SFXN5: variants seen among roughly 807,000 people sequenced by gnomAD.
SFXN5 encodes the protein sideroflexin-5.
In SFXN5, 43 loss-of-function variants were observed where a neutral mutation model predicts 50.2. The ratio of observed to expected loss-of-function variants is 0.86; its 90% confidence interval spans 0.67 to 1.11. The LOEUF is 1.11. Among genes scored for constraint, SFXN5 ranks in the 50% least tolerant of loss-of-function variants. The pLI, the probability that SFXN5 is intolerant of heterozygous loss-of-function variation, is 0.00. For synonymous variants in SFXN5, 203 were observed against 185.8 expected, an observed-to-expected ratio of 1.09 and a Z score of -0.75; for missense variants, 463 against 454.1, an observed-to-expected ratio of 1.02 and a Z score of -0.18.
At chr2:72,989,588 C>T (rs762201497) in intron 9 of SFXN5, among the ~76,000 whole-genome samples, 4 of 151,958 alleles carry the variant, frequency 2.6e-5, no homozygotes, top group Non-Finnish European at 4.4e-5. Flanking sequence ...ACATAGTACA[C>T]GCTCAATAAA....
At position 73,008,059 on chromosome 2, in the gene SFXN5, G is replaced by A. The variant is rs940607056; in HGVS notation, c.358-6481C>T. Among the ~76,000 whole-genome samples, 4 of 152,180 alleles carry A rather than the reference G, an allele frequency of 2.6e-5. No homozygotes were observed. The East Asian group carries it at 7.7e-4, about 29-fold the overall frequency. ...TGCAAAAAAGCAGAGGAGGGATGAG[G>A]CGGCTTGGGAGATGTCAGGAGGGCC... On this transcript the variant is annotated intron_variant, in intron 6 of 13. Transcript: ENST00000272433.
In SFXN5 at chr2:73,020,241, T is replaced by C. The variant is rs1235167921; in HGVS notation, c.355A>G (p.Ile119Val). ...MSGYIPFGTP[I>V]VVGLLLPNQT... ...AATCCTTTGAAGGTAACACTTACAA[T>C]TGGCGTCCCAAAAGGAATATAACCT... is the stretch of plus-strand genomic sequence containing the variant. Residue 119 changes from isoleucine to valine, a missense_variant and splice_region_variant, in exon 6 of 14, where the codon ATT becomes GTT. Coordinates refer to ENST00000272433, the MANE Select transcript of SFXN5 (RefSeq NM_144579.3). The C allele has an allele frequency of 6.2e-7, 1 of 1,613,998 alleles. No individual in the cohort carries two copies. The highest frequency in any genetic ancestry group is 1.1e-5 in the South Asian group (1 of 91,050).
At chr2:73,026,931 T>C (rs1332693241) in intron 3 of SFXN5, among the ~76,000 whole-genome samples, 3 of 152,124 alleles carry the variant, frequency 2.0e-5, no homozygotes, top group African/African-American at 7.2e-5. Flanking sequence ...GTTCACCATG[T>C]TGGCCAGCTG....
chr2:73,032,799 C>T (rs1362766994), intron 3 of SFXN5, among the ~76,000 whole-genome samples: 1 of 152,184 alleles, frequency 6.6e-6, no homozygotes, highest in Non-Finnish European at 1.5e-5. Context: ...TTCTGTAAGG[C>T]AAAGAATGCC....
intron 2 of SFXN5, among the ~76,000 whole-genome samples, chr2:73,048,110 C>A (rs1244354613): frequency 6.6e-6 from 1 of 152,108 alleles, no homozygotes; most frequent in East Asian, 1.9e-4. Flanking sequence ...GCTATATAAC[C>A]ATGTATGACA....
Position 72,954,688 on chromosome 2 carries a change from C to T in SFXN5, c.945+6443G>A, listed in dbSNP as rs75607989. ...GGAGGACAAAGGAGCCAGTGAGGGT[C>T]TAGGGGCCATAAGACACGTTCCCAG... On this transcript the variant is annotated intron_variant, in intron 13 of 13. Transcript: ENST00000272433. Among the ~76,000 whole-genome samples the T allele has an allele frequency of 4.5e-4, 68 of 152,300 alleles. No individual in the cohort carries two copies. In the East Asian group the frequency reaches 0.011, roughly 26 times the overall value.
At position 72,944,826 on chromosome 2, in the gene SFXN5, T is replaced by C; in HGVS notation, c.*196A>G. 1.9e-6 allele frequency: 1 copy of C among 536,112 alleles called. No homozygotes were observed. The highest frequency in any genetic ancestry group is 3.3e-6 in the Non-Finnish European group (1 of 302,192). The allele number at this position is 536,112 out of a possible 1,614,324, so 33.2% of individuals were successfully genotyped here. A position where few individuals can be genotyped will look rare whatever the true frequency, so the allele number is the denominator to read the frequency against. ...CACTTGATTATTTTTTTGTACGAAA[T>C]GTGTTAGAACTCCTCTTGCCTATGT... On this transcript the variant is annotated 3_prime_UTR_variant, in exon 14 of 14. Transcript: ENST00000272433.
At chr2:72,974,644 G>A (rs1670409570) in intron 10 of SFXN5, among the ~76,000 whole-genome samples, 1 of 152,192 alleles carries the variant, frequency 6.6e-6, no homozygotes. Flanking sequence ...TTGAGCACCT[G>A]CCGTATGCAG....
At chr2:72,971,515 A>G in intron 11 of SFXN5, 55 bp downstream of exon 11, 1 of 1,347,146 alleles carries the variant, frequency 7.4e-7, no homozygotes, top group Non-Finnish European at 1.1e-6. Flanking sequence ...CTAAAGGAAA[A>G]CCACTCCCCT....
chr2:72,961,215 G>A lies in SFXN5; in HGVS notation c.861C>T (p.Leu287=). The A allele has an allele frequency of 6.5e-7, 1 of 1,545,622 alleles. No homozygotes were observed. The highest frequency in any genetic ancestry group is 8.7e-7 in the Non-Finnish European group (1 of 1,152,510). Residue 287 remains leucine, a synonymous_variant, in exon 13 of 14, where the codon CTC becomes CTT. Coordinates refer to ENST00000272433, the MANE Select transcript of SFXN5 (RefSeq NM_144579.3). This position sits in a 1 kb window ranked among gnomAD's most constrained non-coding sequence, Gnocchi z 4.4. ...GGCACACGAGGCTTTGCACAGGGAG[G>A]AGCAGCCGGGGGCGTGCCTGCAGGA... is the stretch of plus-strand genomic sequence containing the variant. ...TALLQARPRL[L]LPVQSLVCLA...
chr2:73,069,174 A>G (rs1683395064), intron 1 of SFXN5, among the ~76,000 whole-genome samples: 1 of 152,148 alleles, frequency 6.6e-6, no homozygotes, highest in African/African-American at 2.4e-5. Context: ...GGGCGTAGGG[A>G]GTCCCTTGAT....
At chr2:73,038,280 C>T (rs1437776886) in intron 3 of SFXN5, among the ~76,000 whole-genome samples, 1 of 152,082 alleles carries the variant, frequency 6.6e-6, no homozygotes, top group Non-Finnish European at 1.5e-5. Flanking sequence ...TATTTGTGCA[C>T]AGAAACAGTT....
intron 13 of SFXN5, among the ~76,000 whole-genome samples, chr2:72,951,177 G>A (rs1559078099): frequency 6.6e-6 from 1 of 152,186 alleles, no homozygotes; most frequent in Non-Finnish European, 1.5e-5. Flanking sequence ...GAAGGAAGCA[G>A]TGCCGCCCTG....
chr2:73,025,323 A>T (rs1036512), intron 3 of SFXN5, among the ~76,000 whole-genome samples: 197 of 151,548 alleles, frequency 1.3e-3, no homozygotes, highest in African/African-American at 4.5e-3. Context: ...GCATCCTCCC[A>T]CCTCTGGATT....
rs141300616 is a variant in SFXN5, at chr2:72,953,804, C to A, written c.945+7327G>T. Among the ~76,000 whole-genome samples the A allele has an allele frequency of 2.0e-3, 302 of 152,220 alleles. 2 individuals carry two copies. Among genetic ancestry groups the A allele is most frequent in the African/African-American group, 6.9e-3 (287 of 41,532 alleles). ...CTTCTCCATTCTTGGTTGGGGGTCC[C>A]AATACTTTCTCAAAGAAAGATAAGC... On this transcript the variant is annotated intron_variant, in intron 13 of 13. Transcript: ENST00000272433. This position sits in a 1 kb window ranked among gnomAD's most constrained non-coding sequence, Gnocchi z 4.1.
intron 6 of SFXN5, among the ~76,000 whole-genome samples, chr2:73,007,964 G>C (rs542860165): frequency 6.6e-6 from 1 of 152,196 alleles, no homozygotes; most frequent in Non-Finnish European, 1.5e-5. Flanking sequence ...TGGTGAGCTA[G>C]GTCAACATGG....
At position 72,988,361 on chromosome 2, in the gene SFXN5, AAAAT is replaced by A; in HGVS notation, c.535-17_535-14del. ...CATTAAGGCCCACCTTTGAAAGAAA[AAAAT>A]AAAAACACAGAAAAAGTACATGATG... On this transcript the variant is annotated splice_polypyrimidine_tract_variant and intron_variant, in intron 9 of 13. Transcript: ENST00000272433. The A allele has an allele frequency of 6.2e-7, 1 of 1,612,514 alleles. No individual in the cohort carries two copies. The highest frequency in any genetic ancestry group is 8.5e-7 in the Non-Finnish European group (1 of 1,179,032).
intron 10 of SFXN5, among the ~76,000 whole-genome samples, chr2:72,977,585 T>G (rs950359028): frequency 2.0e-5 from 3 of 152,240 alleles, no homozygotes; most frequent in Non-Finnish European, 4.4e-5. Flanking sequence ...ATTCCCAGCC[T>G]GTGACTTGTT....
intron 5 of SFXN5, among the ~76,000 whole-genome samples, chr2:73,021,485 A>G (rs1285088262): frequency 2.0e-5 from 3 of 152,314 alleles, no homozygotes; most frequent in African/African-American, 7.2e-5. Flanking sequence ...CTCTGTCTCA[A>G]ATAAAAAGAA....
Sources: allele counts gnomAD v4.1 joint callset (sites outside exome capture counted in the v4.1 genomes callset), GRCh38; gene constraint gnomAD v4.1.1; non-coding constraint Gnocchi (gnomAD v3.1); transcripts MANE v1.5; gene names NCBI Gene and HGNC (gene_info 2026-07-23, HGNC 2026-07-21).